TNFSF18: variants seen among roughly 807,000 people sequenced by gnomAD.
TNFSF18 encodes the protein TNF superfamily member 18.
A neutral mutation model predicts 9.6 loss-of-function variants in TNFSF18; 6 were observed. That is an observed-to-expected ratio of 0.63 (90% CI 0.34 to 1.24). The LOEUF (loss-of-function observed/expected upper bound fraction) is 1.24, where lower values mean the gene tolerates loss of function less well. Among genes scored for constraint, TNFSF18 ranks in the 50% most tolerant of loss-of-function variants. TNFSF18 has a pLI of 0.03. For synonymous variants in TNFSF18, 68 were observed against 71.7 expected, an observed-to-expected ratio of 0.95 and a Z score of 0.26; for missense variants, 210 against 201.0, an observed-to-expected ratio of 1.04 and a Z score of -0.27.
chr1:173,045,253 T>C (rs1363609110), intron 1 of TNFSF18, among the ~76,000 whole-genome samples: 1 of 147,198 alleles, frequency 6.8e-6, no homozygotes, highest in Non-Finnish European at 1.5e-5. Flanking sequence ...GGCGTTGTGA[T>C]GTTTAGAGGT....
At chr1:173,043,799 G>T in intron 2 of TNFSF18, 140 bp downstream of exon 2, 2 of 816,938 alleles carry the variant, frequency 2.4e-6, no homozygotes, top group Non-Finnish European at 2.0e-6. Flanking sequence ...TTGGGCAACT[G>T]CCCAGTACAT....
At chr1:173,041,819 T>TGAATGATACGGCG in intron 2 of TNFSF18, 106 bp from the exon 3 acceptor site, 1 of 949,790 alleles carries the variant, frequency 1.1e-6, no homozygotes, top group South Asian at 2.2e-5. Context: ...GTTGTTTCTT[T>TGAATGATACGGCG]ACCTGATCTA....
chr1:173,047,828 C>T (rs1231379771), intron 1 of TNFSF18, among the ~76,000 whole-genome samples: 2 of 152,252 alleles, frequency 1.3e-5, no homozygotes, highest in East Asian at 3.9e-4. Flanking sequence ...ATTGCCACCA[C>T]TAAAAATCCA....
chr1:173,041,804 T>C (rs577811580), intron 2 of TNFSF18, 91 bp from the exon 3 acceptor site: 3 of 1,052,068 alleles, frequency 2.9e-6, no homozygotes, highest in Admixed American at 6.3e-5. Context: ...ATTTACCACA[T>C]ACATGTTGTT....
chr1:173,046,213 T>G (rs894771611), intron 1 of TNFSF18, among the ~76,000 whole-genome samples: 2 of 152,200 alleles, frequency 1.3e-5, no homozygotes, highest in Admixed American at 6.5e-5. Context: ...CATTGGAGGT[T>G]TTCCATAGTC....
intron 1 of TNFSF18, among the ~76,000 whole-genome samples, chr1:173,047,069 AT>A (rs1159015659): frequency 1.3e-5 from 2 of 151,112 alleles, no homozygotes; most frequent in Non-Finnish European, 3.0e-5. Context: ...TTTTTTTTGT[AT>A]TTTTTTGTAG....
chr1:173,041,537 CT>C lies in TNFSF18; in HGVS notation c.363del (p.Asp122ThrfsTer2). 1 of 1,613,468 alleles carries C rather than the reference CT, an allele frequency of 6.2e-7. No individual in the cohort carries two copies. Among genetic ancestry groups the C allele is most frequent in the Non-Finnish European group, 8.5e-7 (1 of 1,179,606 alleles). On this transcript the variant is annotated frameshift_variant, in exon 3 of 3. Transcript: ENST00000404377. LOFTEE classifies it low-confidence loss of function (END_TRUNC). ...TTGTTTGTTAGAGTTTGTATCATGT[CT>C]TTGTTTTTATACAGCCGCACCTCAA... ...APFEVRLYKN[K>X]DMIQTLTNKS...
At chr1:173,042,790 A>C (rs1474825970) in intron 2 of TNFSF18, among the ~76,000 whole-genome samples, 1 of 152,120 alleles carries the variant, frequency 6.6e-6, no homozygotes, top group African/African-American at 2.4e-5. Flanking sequence ...TTGTCCCATA[A>C]TTAAAAAGAA....
intron 1 of TNFSF18, among the ~76,000 whole-genome samples, chr1:173,044,274 G>T (rs930973088): frequency 6.6e-6 from 1 of 151,474 alleles, no homozygotes; most frequent in African/African-American, 2.4e-5. Flanking sequence ...CCAACCTTGG[G>T]CTCTAAAAGT....
chr1:173,042,607 A>G (rs1025227684), intron 2 of TNFSF18, among the ~76,000 whole-genome samples: 22 of 152,158 alleles, frequency 1.4e-4, no homozygotes, highest in Admixed American at 1.3e-3. Flanking sequence ...ACTGTCCCAA[A>G]TGGTAAAGAA....
intron 1 of TNFSF18, among the ~76,000 whole-genome samples, chr1:173,049,846 C>A (rs1221616709): frequency 6.6e-6 from 1 of 152,098 alleles, no homozygotes; most frequent in African/African-American, 2.4e-5. Context: ...TTGATCAGTG[C>A]TACGTAGTTA....
chr1:173,040,517 GC>G lies in TNFSF18; in HGVS notation c.*849del, dbSNP rs1308495844. 2 of 152,102 alleles carry G rather than the reference GC, an allele frequency of 1.3e-5. No individual in the cohort carries two copies. Among genetic ancestry groups the G allele is most frequent in the African/African-American group, 2.4e-5 (1 of 41,426 alleles). The allele number at this position is 152,102 out of a possible 1,614,324, so 9.4% of individuals were successfully genotyped here. On this transcript the variant is annotated 3_prime_UTR_variant, in exon 3 of 3. Transcript: ENST00000404377. ...CCTGCCCAATTAACTTCATAGAATT[GC>G]TAACTGTTTTACGAAAGCACTTTGC... is the stretch of plus-strand genomic sequence containing the variant.
chr1:173,044,849 T>C (rs1399816376), intron 1 of TNFSF18, among the ~76,000 whole-genome samples: 1 of 151,132 alleles, frequency 6.6e-6, no homozygotes, highest in African/African-American at 2.5e-5. Flanking sequence ...GAGCATGGTG[T>C]CTCTGACCAA....
rs1435115559 is a variant in TNFSF18, at chr1:173,039,615, G to A, written c.*1752C>T. Among the ~76,000 whole-genome samples the A allele has an allele frequency of 1.3e-5, 2 of 151,948 alleles. No homozygotes were observed. Among genetic ancestry groups the A allele is most frequent in the Non-Finnish European group, 2.9e-5 (2 of 68,016 alleles). On this transcript the variant is annotated 3_prime_UTR_variant, in exon 3 of 3. Coordinates refer to ENST00000404377, the MANE Select transcript of TNFSF18 (RefSeq NM_005092.4). ...TTAATAACTAAAGTGCAACATTCCT[G>A]AAAATTTAATAATATGTGCTTATAA...
At chr1:173,048,778 G>A (rs907604344) in intron 1 of TNFSF18, among the ~76,000 whole-genome samples, 1 of 152,234 alleles carries the variant, frequency 6.6e-6, no homozygotes, top group East Asian at 1.9e-4. Flanking sequence ...AAAACTTCAC[G>A]GTTCATGGGT....
chr1:173,049,252 A>G (rs1665131759), intron 1 of TNFSF18, among the ~76,000 whole-genome samples: 1 of 152,294 alleles, frequency 6.6e-6, no homozygotes, highest in South Asian at 2.1e-4. Context: ...TTCCTGAGTC[A>G]TATGTAGGAA....
intron 1 of TNFSF18, among the ~76,000 whole-genome samples, chr1:173,047,126 C>T (rs1665098692): frequency 6.6e-6 from 1 of 152,068 alleles, no homozygotes; most frequent in Non-Finnish European, 1.5e-5. Context: ...AAACTCTTGA[C>T]CTCAAGCAAT....
chr1:173,041,523 A>C lies in TNFSF18; in HGVS notation c.378T>G (p.Thr126=). The C allele has an allele frequency of 6.2e-7, 1 of 1,613,484 alleles. No homozygotes were observed. ...TTTGGATTTTAGATTTGTTTGTTAG[A>C]GTTTGTATCATGTCTTTGTTTTTAT... ...RLYKNKDMIQ[T]LTNKSKIQNV... The change falls in exon 3 of 3, where the codon ACT becomes ACG. Residue 126 remains threonine, a synonymous_variant. Transcript: ENST00000404377.
In TNFSF18 at chr1:173,041,144, T is replaced by C. The variant is rs1472888850; in HGVS notation, c.*223A>G. 1 of 420,874 alleles carries C rather than the reference T, an allele frequency of 2.4e-6. No individual in the cohort carries two copies. Among genetic ancestry groups the C allele is most frequent in the Non-Finnish European group, 4.2e-6 (1 of 238,690 alleles). 26.1% of individuals were successfully genotyped at this position (420,874 alleles called of 1,614,324 possible). ...TCTGTCATCCATATTTGTTTTATCA[T>C]GGATTAATGAAGTATCTCTGCAGAT... On this transcript the variant is annotated 3_prime_UTR_variant, in exon 3 of 3. Coordinates refer to ENST00000404377, the MANE Select transcript of TNFSF18 (RefSeq NM_005092.4).
Sources: gnomAD v4.1 joint callset for allele counts (sites outside exome capture counted in the v4.1 genomes callset) on GRCh38, gnomAD v4.1.1 for gene constraint, MANE v1.5 for transcripts, NCBI Gene and HGNC (gene_info 2026-07-23, HGNC 2026-07-21) for gene names.